IP6K3: variants seen among roughly 807,000 people sequenced by gnomAD.
The protein encoded by IP6K3 is inositol hexakisphosphate kinase 3, also known as ATP:1D-myo-inositol-hexakisphosphate phosphotransferase.
IP6K3 carries 20 observed loss-of-function variants against 28.8 expected under a neutral mutation model. That is an observed-to-expected ratio of 0.70 (90% CI 0.49 to 1.01). The LOEUF is 1.01. Ranked by LOEUF, IP6K3 falls within the 50% of genes least tolerant of loss-of-function variation. The pLI is 0.00. For missense variants in IP6K3, 480 were observed against 537.1 expected, an observed-to-expected ratio of 0.89 and a Z score of 1.05; for synonymous variants, 213 against 221.3, an observed-to-expected ratio of 0.96 and a Z score of 0.33.
Position 33,735,496 on chromosome 6 carries a change from G to T in IP6K3, c.-20C>A. ...AACCATGGCGGCAGATGGTGGTGGT[G>T]GGGGGTCCCTGCACAGTCTGCTAGA... On this transcript the variant is annotated 5_prime_UTR_variant, in exon 2 of 6. Transcript: ENST00000293756. 3.1e-6 allele frequency: 5 copies of T among 1,602,940 alleles called. No homozygotes were observed. The highest frequency in any genetic ancestry group is 4.2e-6 in the Non-Finnish European group (5 of 1,178,768).
At chr6:33,732,278 C>T (rs945513308) in intron 2 of IP6K3, among the ~76,000 whole-genome samples, 2 of 152,228 alleles carry the variant, frequency 1.3e-5, no homozygotes, top group African/African-American at 2.4e-5. Context: ...GCCCATCATC[C>T]TCCCTGATGC....
chr6:33,727,165 G>A (rs1306958302), intron 3 of IP6K3, among the ~76,000 whole-genome samples: 1 of 152,202 alleles, frequency 6.6e-6, no homozygotes, highest in Non-Finnish European at 1.5e-5. Context: ...GAGGGCTGAG[G>A]TGATTTAAAC....
the IP6K3 span, among the ~76,000 whole-genome samples, chr6:33,759,224 G>A: frequency 6.6e-6 from 1 of 152,232 alleles, no homozygotes; most frequent in African/African-American, 2.4e-5. Context: ...AGGGACAGAT[G>A]TTCTTTCTTC....
chr6:33,759,824 G>C, the IP6K3 span, among the ~76,000 whole-genome samples: 1 of 151,538 alleles, frequency 6.6e-6, no homozygotes, highest in Non-Finnish European at 1.5e-5. Flanking sequence ...AGTGAGCCAA[G>C]ATTGCGCCAC....
rs914554691 is a variant in IP6K3, at chr6:33,742,117, G to C, written c.-180+4641C>G. 2.0e-5 allele frequency among the ~76,000 whole-genome samples: 3 copies of C among 152,178 alleles called. No individual in the cohort carries two copies. Among genetic ancestry groups the C allele is most frequent in the African/African-American group, 7.2e-5 (3 of 41,450 alleles). Reference sequence around the variant, plus strand: ...AATCACACCTCTGTGTCTCCAGCTAGGAATTTTCAGATGGAGACACTGAGG... The same window carrying C: ...AATCACACCTCTGTGTCTCCAGCTACGAATTTTCAGATGGAGACACTGAGG... On this transcript the variant is annotated intron_variant, in intron 1 of 5. Coordinates refer to ENST00000293756, the MANE Select transcript of IP6K3 (RefSeq NM_054111.5). This position sits in a 1 kb window ranked among gnomAD's most constrained non-coding sequence, Gnocchi z 4.5.
chr6:33,740,723 C>T (rs1362705618), intron 1 of IP6K3, among the ~76,000 whole-genome samples: 2 of 152,232 alleles, frequency 1.3e-5, no homozygotes, highest in African/African-American at 4.8e-5. Context: ...ATTTTTATTT[C>T]CGGAGAGTCT....
At chr6:33,760,471 GTC>G in the IP6K3 span, among the ~76,000 whole-genome samples, 535 of 152,330 alleles carry the variant, frequency 3.5e-3, no homozygotes, top group African/African-American at 0.012. Flanking sequence ...AGGGGCGTGA[GTC>G]TGTTCACTCC....
intron 3 of IP6K3, chr6:33,727,721 T>C (rs895899148): frequency 3.1e-6 from 2 of 641,290 alleles, no homozygotes; most frequent in African/African-American, 4.0e-5. Context: ...TTAGCCACAC[T>C]TTTCCTCTAC....
chr6:33,737,056 C>G (rs576152362), intron 1 of IP6K3, among the ~76,000 whole-genome samples: 1 of 152,156 alleles, frequency 6.6e-6, no homozygotes, highest in Non-Finnish European at 1.5e-5. Flanking sequence ...CAGTACCATG[C>G]GCAGGGTTGC....
At chr6:33,739,916 G>A (rs994875666) in intron 1 of IP6K3, among the ~76,000 whole-genome samples, 6 of 152,226 alleles carry the variant, frequency 3.9e-5, no homozygotes, top group Non-Finnish European at 7.3e-5. Context: ...TTGTCATGAT[G>A]CTCGGAAGAC....
At chr6:33,750,027 C>T (rs1390759203), upstream of IP6K3, among the ~76,000 whole-genome samples, 1 of 152,142 alleles carries the variant, frequency 6.6e-6, no homozygotes, top group Non-Finnish European at 1.5e-5. The surrounding 1 kb of genome is among the most constrained non-coding windows in gnomAD (Gnocchi z 4.3). Context: ...TCCCCCTTGG[C>T]CTCTCCCTCC....
chr6:33,755,943 C>T, the IP6K3 span, among the ~76,000 whole-genome samples: 1 of 152,222 alleles, frequency 6.6e-6, no homozygotes, highest in Non-Finnish European at 1.5e-5. Flanking sequence ...CAGCTCACTG[C>T]AACCTCCACC....
upstream of IP6K3, among the ~76,000 whole-genome samples, chr6:33,749,321 A>G (rs902980968): frequency 2.2e-4 from 33 of 152,142 alleles, no homozygotes; most frequent in African/African-American, 7.7e-4. Flanking sequence ...CGAGCCCTTA[A>G]TATGTGATCT....
In IP6K3 at chr6:33,741,507, G is replaced by C. The variant is rs532579072; in HGVS notation, c.-180+5251C>G. 9.9e-5 allele frequency among the ~76,000 whole-genome samples: 15 copies of C among 152,176 alleles called. No individual in the cohort carries two copies. The East Asian group carries it at 2.7e-3, about 27-fold the overall frequency. ...AAAATATTTTAAAAAGTAGCCAGGT[G>C]TGGTGGCGCATGCCTGTAATCCCAG... On this transcript the variant is annotated intron_variant, in intron 1 of 5. Transcript: ENST00000293756.
chr6:33,757,069 G>A, the IP6K3 span, among the ~76,000 whole-genome samples: 1 of 152,228 alleles, frequency 6.6e-6, no homozygotes, highest in East Asian at 1.9e-4. Context: ...CTCTCACGTG[G>A]AGGACACCCT....
intron 1 of IP6K3, among the ~76,000 whole-genome samples, chr6:33,740,706 T>C (rs939763771): frequency 6.6e-6 from 1 of 152,230 alleles, no homozygotes; most frequent in Non-Finnish European, 1.5e-5. Context: ...TCACAACCCG[T>C]CGGCACATTT....
intron 2 of IP6K3, 108 bp from the exon 3 acceptor site, chr6:33,728,408 C>T (rs1052167794): frequency 1.7e-5 from 16 of 964,034 alleles, no homozygotes; most frequent in Non-Finnish European, 2.4e-5. Flanking sequence ...CCCTGGTCCA[C>T]CTCCTCCGTT....
At chr6:33,727,811 T>C in intron 3 of IP6K3, 1 of 984,650 alleles carries the variant, frequency 1.0e-6, no homozygotes. Context: ...GATATTTAAT[T>C]AAACAAATAT....
chr6:33,733,494 G>C (rs776188358), intron 2 of IP6K3, among the ~76,000 whole-genome samples: 3 of 152,286 alleles, frequency 2.0e-5, no homozygotes, highest in Non-Finnish European at 4.4e-5. Flanking sequence ...GCCTGCGGCT[G>C]CCCGGCATCC....
Sources: gnomAD v4.1 joint callset for allele counts (sites outside exome capture counted in the v4.1 genomes callset) on GRCh38, gnomAD v4.1.1 for gene constraint, Gnocchi (gnomAD v3.1) non-coding constraint, MANE v1.5 for transcripts, NCBI Gene and HGNC (gene_info 2026-07-23, HGNC 2026-07-21) for gene names.